PTGES: variants seen among roughly 807,000 people sequenced by gnomAD.
PTGES encodes MGST1-like 1.
Under a neutral mutation model 11.8 loss-of-function variants are expected in PTGES, and 3 were observed. That is an observed-to-expected ratio of 0.25 (90% CI 0.12 to 0.66). PTGES has a LOEUF of 0.66. PTGES is among the 30% of genes least tolerant of loss of function. The pLI is 0.82. For synonymous variants in PTGES, 94 were observed against 90.4 expected (o/e 1.04, Z -0.22); for missense variants, 180 against 213.0 (o/e 0.85, Z 0.96).
At chr9:129,740,003 AG>A in intron 2 of PTGES, 143 bp from the exon 3 acceptor site, 1 of 1,061,244 alleles carries the variant, frequency 9.4e-7, no homozygotes, top group Admixed American at 2.8e-5. Flanking sequence ...ATTCACAGCC[AG>A]GTCAAGGAGA....
At position 129,745,943 on chromosome 9, in the gene PTGES, G is replaced by C. The variant is rs1324520706; in HGVS notation, c.209+2712C>G. 6.6e-6 allele frequency among the ~76,000 whole-genome samples: 1 copy of C among 151,894 alleles called. No homozygotes were observed. Among genetic ancestry groups the C allele is most frequent in the East Asian group, 1.9e-4 (1 of 5,182 alleles). ...CAGCTACTCGGGAGGCTGAGGCAGG[G>C]GAATTGCTCGAACCCGGGAGGCAGA... On this transcript the variant is annotated intron_variant, in intron 2 of 2. Coordinates refer to ENST00000340607, the MANE Select transcript of PTGES (RefSeq NM_004878.5). The surrounding 1 kb of genome is among the most constrained non-coding windows in gnomAD (Gnocchi z 4.2).
chr9:129,753,029 T>C lies in PTGES; in HGVS notation c.-17A>G. The C allele has an allele frequency of 1.3e-6, 2 of 1,599,558 alleles. No individual in the cohort carries two copies. Among genetic ancestry groups the C allele is most frequent in the Non-Finnish European group, 1.7e-6 (2 of 1,178,414 alleles). On this transcript the variant is annotated 5_prime_UTR_variant, in exon 1 of 3. Transcript: ENST00000340607. ...GGCAGGCATCTCTGGCCAGCGCAGC[T>C]CAACTGTGGGTGTGATCAGCTCGAC...
intron 2 of PTGES, among the ~76,000 whole-genome samples, chr9:129,748,013 A>T (rs1481655027): frequency 8.3e-6 from 1 of 120,634 alleles, no homozygotes; most frequent in Non-Finnish European, 1.7e-5. Context: ...CTGTCTCAAA[A>T]AAAAAAAAAA....
chr9:129,752,866 G>A (rs1833128351), intron 1 of PTGES, 21 bp downstream of exon 1: 2 of 1,613,748 alleles, frequency 1.2e-6, no homozygotes, highest in Non-Finnish European at 8.5e-7. Flanking sequence ...CCAGGCCGGG[G>A]ACCCCCAGGG....
intron 2 of PTGES, among the ~76,000 whole-genome samples, chr9:129,743,224 G>T (rs1408937994): frequency 6.6e-6 from 1 of 152,142 alleles, no homozygotes; most frequent in Non-Finnish European, 1.5e-5. Context: ...CACTCGTCTG[G>T]TCTGTCTCAA....
chr9:129,752,835 G>A (rs1178676347), intron 1 of PTGES, 52 bp downstream of exon 1: 30 of 1,612,950 alleles, frequency 1.9e-5, no homozygotes, highest in Non-Finnish European at 2.3e-5. Flanking sequence ...CTGACAGGAC[G>A]TGGAGAGAAG....
chr9:129,752,782 C>T, intron 1 of PTGES, 105 bp downstream of exon 1: 1 of 1,568,378 alleles, frequency 6.4e-7, no homozygotes, highest in Non-Finnish European at 8.7e-7. Flanking sequence ...CACCTCCCAG[C>T]CCTGCACACA....
intron 2 of PTGES, among the ~76,000 whole-genome samples, chr9:129,740,463 C>T (rs909809603): frequency 6.6e-6 from 1 of 152,152 alleles, no homozygotes; most frequent in Non-Finnish European, 1.5e-5. Context: ...AATCTAACTA[C>T]CACCTGTCCT....
intron 2 of PTGES, among the ~76,000 whole-genome samples, chr9:129,740,723 G>C (rs1832986732): frequency 6.6e-6 from 1 of 152,096 alleles, no homozygotes; most frequent in African/African-American, 2.4e-5. Flanking sequence ...CCTACTAATG[G>C]CCGGCTTCCT....
chr9:129,744,671 G>A (rs1793494564), intron 2 of PTGES, among the ~76,000 whole-genome samples: 1 of 151,608 alleles, frequency 6.6e-6, no homozygotes, highest in Non-Finnish European at 1.5e-5. Context: ...GAGGTCAGGA[G>A]TTCAAGACCA....
chr9:129,745,679 G>T lies in PTGES; in HGVS notation c.209+2976C>A, dbSNP rs568434608. ...GCTATAAAGTATTATTAGATAAGAC[G>T]CACTCAGAAAGTGCTGAAATGAATT... is the stretch of plus-strand genomic sequence containing the variant. On this transcript the variant is annotated intron_variant, in intron 2 of 2. Transcript: ENST00000340607. The surrounding 1 kb of genome is among the most constrained non-coding windows in gnomAD (Gnocchi z 4.2). Among the ~76,000 whole-genome samples, 2 of 152,118 alleles carry T rather than the reference G, an allele frequency of 1.3e-5. No homozygotes were observed. Among genetic ancestry groups the T allele is most frequent in the East Asian group, 1.9e-4 (1 of 5,196 alleles).
Position 129,738,686 on chromosome 9 carries a change from G to C in PTGES, c.*925C>G, listed in dbSNP as rs1291066114. The C allele has an allele frequency of 1.3e-5, 2 of 152,364 alleles. No individual in the cohort carries two copies. Among genetic ancestry groups the C allele is most frequent in the African/African-American group, 4.8e-5 (2 of 41,448 alleles). 9.4% of individuals were successfully genotyped at this position (152,364 alleles called of 1,614,324 possible). On this transcript the variant is annotated 3_prime_UTR_variant, in exon 3 of 3. Coordinates refer to ENST00000340607, the MANE Select transcript of PTGES (RefSeq NM_004878.5). This position sits in a 1 kb window ranked among gnomAD's most constrained non-coding sequence, Gnocchi z 4.2. ...CAAAGACATCCAAAGCCAACGGCAA[G>C]GGAAGCGTCAGCGGGGGCAGAGGAG...
At chr9:129,746,737 C>T (rs1284771139) in intron 2 of PTGES, among the ~76,000 whole-genome samples, 1 of 152,190 alleles carries the variant, frequency 6.6e-6, no homozygotes, top group Non-Finnish European at 1.5e-5. Flanking sequence ...CCGTCCTCCC[C>T]ACTTCCCCTT....
intron 1 of PTGES, among the ~76,000 whole-genome samples, chr9:129,751,182 G>A (rs1271812662): frequency 6.6e-6 from 1 of 151,846 alleles, no homozygotes; most frequent in Admixed American, 6.6e-5. Flanking sequence ...AAAAAATTAG[G>A]AGCAGTGACG....
chr9:129,744,479 G>A (rs1296730173), intron 2 of PTGES, among the ~76,000 whole-genome samples: 1 of 151,464 alleles, frequency 6.6e-6, no homozygotes, highest in Admixed American at 6.6e-5. Context: ...GGAGGCTGAG[G>A]TGAGAAGATC....
intron 2 of PTGES, among the ~76,000 whole-genome samples, chr9:129,748,215 T>TAAAAAAAA (rs67000610): frequency 2.8e-5 from 2 of 71,022 alleles, no homozygotes; most frequent in Non-Finnish European, 5.4e-5. Context: ...GTTGCCATAT[T>TAAAAAAAA]AAAAAAAAAA....
intron 2 of PTGES, among the ~76,000 whole-genome samples, chr9:129,742,328 C>CAAAAAAAAAAAAAAAAAAA (rs1194614585): frequency 5.9e-5 from 3 of 51,060 alleles, no homozygotes; most frequent in Non-Finnish European, 1.3e-4. Flanking sequence ...GACTCTGTCT[C>CAAAAAAAAAAAAAAAAAAA]AAAAAAAAAA....
intron 2 of PTGES, among the ~76,000 whole-genome samples, chr9:129,742,863 C>T (rs1833011772): frequency 6.6e-6 from 1 of 150,594 alleles, no homozygotes; most frequent in Admixed American, 6.6e-5. Context: ...CAGAGTGAGA[C>T]TCCGTCTCAA....
chr9:129,752,925 C>T lies in PTGES; in HGVS notation c.88G>A (p.Val30Met). Reference sequence around the variant, plus strand: ...CTCACTTGGCCCGTGATGATGGCCACCACGTACATCTTGATGACCAGCAGC... The same window carrying T: ...CTCACTTGGCCCGTGATGATGGCCATCACGTACATCTTGATGACCAGCAGC... Reference protein sequence around the residue: ...STLLVIKMYVVAIITGQVRLR... With the variant: ...STLLVIKMYVMAIITGQVRLR... Residue 30 changes from valine (V) to methionine (M), a missense_variant, in exon 1 of 3, where the codon GTG (valine) becomes ATG (methionine). Physicochemically the swap from Val to Met is conservative, Grantham distance 21. Transcript: ENST00000340607. 2 of 1,613,786 alleles carry T rather than the reference C, an allele frequency of 1.2e-6. No individual in the cohort carries two copies. Among genetic ancestry groups the T allele is most frequent in the Non-Finnish European group, 8.5e-7 (1 of 1,180,046 alleles).
Sources: allele counts gnomAD v4.1 joint callset (sites outside exome capture counted in the v4.1 genomes callset), GRCh38; gene constraint gnomAD v4.1.1; non-coding constraint Gnocchi (gnomAD v3.1); transcripts MANE v1.5; gene names NCBI Gene and HGNC (gene_info 2026-07-23, HGNC 2026-07-21).